The following CPNE1 variants were observed in gnomAD, a reference collection of about 807,000 sequenced individuals.
The protein encoded by CPNE1 is copine 1.
A neutral mutation model predicts 63.2 loss-of-function variants in CPNE1; 58 were observed. That is an observed-to-expected ratio of 0.92 (90% CI 0.74 to 1.14). The LOEUF is 1.14. Ranked by LOEUF, CPNE1 falls within the 50% of genes most tolerant of loss-of-function variation. The pLI is 0.00. For missense variants in CPNE1, 672 were observed against 661.7 expected (o/e 1.02, Z -0.17); for synonymous variants, 237 against 249.0 (o/e 0.95, Z 0.45).
chr20:35,652,448 A>C, intron 1 of CPNE1: 1 of 1,488,576 alleles, frequency 6.7e-7, no homozygotes, highest in Non-Finnish European at 9.0e-7. Flanking sequence ...TCTAACCTGG[A>C]AATACTAGGA....
At chr20:35,645,334 TCAA>T (rs991150465) in intron 1 of CPNE1, among the ~76,000 whole-genome samples, 64 of 152,160 alleles carry the variant, frequency 4.2e-4, no homozygotes, top group African/African-American at 1.3e-3. Context: ...AAGGAATATT[TCAA>T]CAACAGGAAA....
chr20:35,663,275 C>T (rs2034335914), intron 1 of CPNE1, among the ~76,000 whole-genome samples: 1 of 152,190 alleles, frequency 6.6e-6, no homozygotes, highest in Admixed American at 6.5e-5. Flanking sequence ...AACAAGATTT[C>T]CCTATGTGTC....
At chr20:35,656,476 G>T (rs765223746) in intron 1 of CPNE1, among the ~76,000 whole-genome samples, 2 of 152,166 alleles carry the variant, frequency 1.3e-5, no homozygotes, top group African/African-American at 2.4e-5. Flanking sequence ...ATACTACTTT[G>T]AAATTAAGGT....
At position 35,627,272 on chromosome 20, in the gene CPNE1, A is replaced by ACTCTCAC; in HGVS notation, c.1236+1_1236+7dup. 6.2e-7 allele frequency: 1 copy of ACTCTCAC among 1,604,336 alleles called. No individual in the cohort carries two copies. The highest frequency in any genetic ancestry group is 8.5e-7 in the Non-Finnish European group (1 of 1,175,396). On this transcript the variant is annotated splice_region_variant and intron_variant, in intron 14 of 15. Transcript: ENST00000397443. ...GCCACCACTGCCACTGCCACCCACGACTCTCACCGAGGCAGTCCCCTGATG... is the reference window on the plus strand; with the variant it reads ...GCCACCACTGCCACTGCCACCCACGACTCTCACCTCTCACCGAGGCAGTCCCCTGATG...
At position 35,632,580 on chromosome 20, in the gene CPNE1, G is replaced by A. The variant is rs372895831; in HGVS notation, c.246C>T (p.Asp82=). The A allele has an allele frequency of 5.8e-5, 93 of 1,613,426 alleles. 1 individual carries two copies. Among genetic ancestry groups the A allele is most frequent in the Admixed American group, 2.0e-4 (12 of 60,000 alleles). Residue 82 remains aspartate, a synonymous_variant, in exon 3 of 16, where the codon GAC becomes GAT. Coordinates refer to ENST00000397443, the MANE Select transcript of CPNE1 (RefSeq NM_152925.3). ...QKLRFGIYDI[D]NKTPELRDDD... ...CATCCCTCAGCTCTGGCGTCTTGTT[G>A]TCTATGTCATAGATTCCAAAGCGTA...
chr20:35,647,302 G>GA (rs1446450588), intron 1 of CPNE1: 2 of 120,968 alleles, frequency 1.7e-5, no homozygotes. Flanking sequence ...GGACAAGCGT[G>GA]AGACTTTGTC....
intron 5 of CPNE1, 40 bp from the exon 6 acceptor site, chr20:35,632,065 A>G: frequency 6.2e-7 from 1 of 1,608,870 alleles, no homozygotes; most frequent in Non-Finnish European, 8.5e-7. Context: ...TCAGGAACAA[A>G]CAACCATTAT....
intron 1 of CPNE1, among the ~76,000 whole-genome samples, chr20:35,639,983 G>A (rs1007629328): frequency 2.0e-5 from 3 of 152,114 alleles, no homozygotes; most frequent in African/African-American, 7.2e-5. Context: ...GCTCATGTGT[G>A]CCTCAGTAGG....
At chr20:35,655,519 T>C (rs2033843463) in intron 1 of CPNE1, among the ~76,000 whole-genome samples, 1 of 152,180 alleles carries the variant, frequency 6.6e-6, no homozygotes, top group African/African-American at 2.4e-5. Flanking sequence ...ATTTACAATG[T>C]AAAACGTAGA....
intron 8 of CPNE1, 21 bp downstream of exon 8, chr20:35,631,471 C>A: frequency 6.2e-7 from 1 of 1,612,708 alleles, no homozygotes; most frequent in Non-Finnish European, 8.5e-7. Context: ...TTTCCACACC[C>A]CTGGCAAGAC....
chr20:35,653,525 T>TA, intron 1 of CPNE1: 1 of 1,614,232 alleles, frequency 6.2e-7, no homozygotes, highest in Non-Finnish European at 8.5e-7. Context: ...CGTTCAGACT[T>TA]ACGTGCATCA....
intron 1 of CPNE1, among the ~76,000 whole-genome samples, chr20:35,636,572 G>A (rs2032496653): frequency 6.6e-6 from 1 of 152,196 alleles, no homozygotes; most frequent in Non-Finnish European, 1.5e-5. Flanking sequence ...CGCCGAGGCA[G>A]GCGGATCACT....
intron 1 of CPNE1, among the ~76,000 whole-genome samples, chr20:35,640,939 T>C (rs1037934645): frequency 3.9e-5 from 6 of 152,140 alleles, no homozygotes; most frequent in Admixed American, 1.3e-4. Flanking sequence ...ACCCTTCCAT[T>C]TGGGACTAGT....
At chr20:35,652,416 G>A in intron 1 of CPNE1, 1 of 1,295,778 alleles carries the variant, frequency 7.7e-7, no homozygotes, top group Non-Finnish European at 1.1e-6. Context: ...CAAGCTATAT[G>A]CAATTGAAAC....
At chr20:35,657,297 G>C (rs2033954703) in intron 1 of CPNE1, among the ~76,000 whole-genome samples, 1 of 152,188 alleles carries the variant, frequency 6.6e-6, no homozygotes, top group African/African-American at 2.4e-5. Context: ...CTATAAGGAG[G>C]TTCATCAAGC....
chr20:35,661,021 G>C (rs920847427), intron 1 of CPNE1, among the ~76,000 whole-genome samples: 1 of 152,194 alleles, frequency 6.6e-6, no homozygotes, highest in Non-Finnish European at 1.5e-5. Flanking sequence ...TTTGACAAAT[G>C]CCTAGTTCAA....
Position 35,632,362 on chromosome 20 carries a change from A to G in CPNE1, c.333T>C (p.Thr111=), listed in dbSNP as rs2032211290. The G allele has an allele frequency of 2.5e-6, 4 of 1,613,956 alleles. No homozygotes were observed. Among genetic ancestry groups the G allele is most frequent in the Non-Finnish European group, 1.7e-6 (2 of 1,179,954 alleles). ...TTCCAGGCTTCAGCATCAAGGGGAG[A>G]GTCAGTACCTGGCTGGACACAATCT... ...LGQIVSSQVL[T]LPLMLKPGKP... is the part of the protein sequence containing the mutation. The change falls in exon 4 of 16, where the codon ACT becomes ACC. Residue 111 remains threonine (T), a synonymous_variant. Coordinates refer to ENST00000397443, the MANE Select transcript of CPNE1 (RefSeq NM_152925.3).
In CPNE1 at chr20:35,626,085, C is replaced by A; in HGVS notation, c.*156G>T. On this transcript the variant is annotated 3_prime_UTR_variant, in exon 16 of 16. Coordinates refer to ENST00000397443, the MANE Select transcript of CPNE1 (RefSeq NM_152925.3). ...TTTATTGAATGAGGGTTGTCAGGAG[C>A]AAAGGTGGGATCAAGAGCAGCAAAA... 2.5e-6 allele frequency: 2 copies of A among 790,786 alleles called. No homozygotes were observed. The highest frequency in any genetic ancestry group is 2.2e-6 in the Non-Finnish European group (1 of 461,654). 49.0% of individuals were successfully genotyped at this position (790,786 alleles called of 1,614,324 possible).
intron 1 of CPNE1, among the ~76,000 whole-genome samples, chr20:35,656,863 G>T (rs2033930683): frequency 6.8e-6 from 1 of 147,078 alleles, no homozygotes. Context: ...CCTCAGAAAG[G>T]TTATAAATTA....
Sources: allele counts gnomAD v4.1 joint callset (sites outside exome capture counted in the v4.1 genomes callset), GRCh38; gene constraint gnomAD v4.1.1; transcripts MANE v1.5; gene names NCBI Gene and HGNC (gene_info 2026-07-23, HGNC 2026-07-21).